KIAA1671: variants seen among roughly 807,000 people sequenced by gnomAD.
The protein encoded by KIAA1671 is KIAA1671, also known as uncharacterized protein KIAA1671.
Under a neutral mutation model 131.2 loss-of-function variants are expected in KIAA1671, and 52 were observed. The ratio of observed to expected loss-of-function variants is 0.40; its 90% CI spans 0.32 to 0.50. The LOEUF (loss-of-function observed/expected upper bound fraction) is 0.50. KIAA1671 is among the 20% of genes least tolerant of loss of function. KIAA1671 has a pLI of 0.73. For missense variants in KIAA1671, 2,360 were observed against 2,364.2 expected, an observed-to-expected ratio of 1.00 and a Z score of 0.04; for synonymous variants, 1,003 against 961.6, an observed-to-expected ratio of 1.04 and a Z score of -0.80.
At chr22:25,006,466 C>T (rs1023963082) in intron 1 of KIAA1671, among the ~76,000 whole-genome samples, 6 of 151,784 alleles carry the variant, frequency 4.0e-5, no homozygotes, top group Admixed American at 2.6e-4. Context: ...GGTGTCTGGT[C>T]GCCTGGGGGG....
intron 6 of KIAA1671, among the ~76,000 whole-genome samples, chr22:25,096,442 GAC>G (rs761797360): frequency 2.0e-5 from 3 of 152,158 alleles, no homozygotes; most frequent in Non-Finnish European, 2.9e-5. Context: ...AGTCACTCAA[GAC>G]ACACAAGATC....
At chr22:25,154,442 G>T (rs184381221) in intron 6 of KIAA1671, among the ~76,000 whole-genome samples, 85 of 152,368 alleles carry the variant, frequency 5.6e-4, no homozygotes, top group Admixed American at 2.1e-3. Flanking sequence ...ATTGTTAAGG[G>T]TTGGCCAAAG....
chr22:24,988,190 G>C lies in KIAA1671; in HGVS notation c.-208+35418G>C, dbSNP rs1014137807. 3.3e-5 allele frequency among the ~76,000 whole-genome samples: 5 copies of C among 150,012 alleles called. No homozygotes were observed. In the East Asian group the frequency reaches 1.0e-3, roughly 31 times the overall value. ...AGCTACTTGGGAGGCTGAGGCAGGAGAATCACTTGAATCTGGGAGTTGGAG... is the reference window on the plus strand; with the variant it reads ...AGCTACTTGGGAGGCTGAGGCAGGACAATCACTTGAATCTGGGAGTTGGAG... On this transcript the variant is annotated intron_variant, in intron 1 of 12. Coordinates refer to ENST00000358431, the MANE Select transcript of KIAA1671 (RefSeq NM_001145206.2).
Position 25,029,541 on chromosome 22 carries a change from G to A in KIAA1671, c.1541+1G>A, listed in dbSNP as rs1171910717. The A allele has an allele frequency of 2.6e-6, 4 of 1,530,318 alleles. No individual in the cohort carries two copies. The Admixed American group carries it at 8.0e-5, about 31-fold the overall frequency. The allele number at this position is 1,530,318 out of a possible 1,614,324, so 94.8% of individuals were successfully genotyped here. ...CGCTGTCGGCGGATTTGACCAAATT[G>A]TAAGTAGGCACATCCCACACCCCTC... On this transcript the variant is annotated splice_donor_variant, in intron 3 of 12. Coordinates refer to ENST00000358431, the MANE Select transcript of KIAA1671 (RefSeq NM_001145206.2). LOFTEE classifies it high-confidence loss of function.
chr22:25,188,191 C>G lies in KIAA1671; in HGVS notation c.5343-2511C>G, dbSNP rs530967995. Among the ~76,000 whole-genome samples, 138 of 152,252 alleles carry G rather than the reference C, an allele frequency of 9.1e-4. 1 individual carries two copies. The highest frequency in any genetic ancestry group is 3.3e-3 in the African/African-American group (136 of 41,558). ...TGGCGGGCGCCTGTAGTCCCAGCTA[C>G]TCGGGAGGCTGAGGCAGGAGAATGG... On this transcript the variant is annotated intron_variant, in intron 11 of 12. Transcript: ENST00000358431.
At chr22:24,995,044 AG>A (rs1277992312) in intron 1 of KIAA1671, among the ~76,000 whole-genome samples, 5 of 135,852 alleles carry the variant, frequency 3.7e-5, no homozygotes, top group African/African-American at 1.4e-4. Flanking sequence ...TTTGTATGTT[AG>A]GTTTTTTTTT....
chr22:25,164,879 T>C (rs7364206), intron 6 of KIAA1671, among the ~76,000 whole-genome samples: 12,485 of 145,084 alleles, frequency 0.086, 1,715 homozygotes, highest in African/African-American at 0.3. Context: ...ATCCAGGAGG[T>C]GGAGCTTGCA....
At chr22:25,161,065 T>TCCCTC (rs745627541) in intron 6 of KIAA1671, among the ~76,000 whole-genome samples, 2 of 151,656 alleles carry the variant, frequency 1.3e-5, no homozygotes, top group Non-Finnish European at 2.9e-5. Context: ...CCCCTTCCCT[T>TCCCTC]CCCTCCTCAC....
chr22:25,119,670 G>C (rs868487810), intron 6 of KIAA1671, among the ~76,000 whole-genome samples: 1 of 152,332 alleles, frequency 6.6e-6, no homozygotes, highest in Middle Eastern at 3.4e-3. Context: ...TGTATTTTAG[G>C]AACAGTGGTC....
intron 5 of KIAA1671, among the ~76,000 whole-genome samples, chr22:25,047,392 C>G (rs1927302833): frequency 6.6e-6 from 1 of 151,802 alleles, no homozygotes; most frequent in East Asian, 1.9e-4. Context: ...CTCAAGTGAT[C>G]AACCTGCCTT....
In KIAA1671 at chr22:25,179,368, CCTCGCGCAGCCG is replaced by C. The variant is rs567989446; in HGVS notation, c.5074+1856_5074+1867del. The C allele has an allele frequency of 1.1e-4, 181 of 1,604,052 alleles. No individual in the cohort carries two copies. In the East Asian group the frequency reaches 2.4e-3, roughly 21 times the overall value. The stretch of plus-strand genomic sequence containing the variant: ...CTGCGCACCTCGGCCGCGTGCAGCT[CCTCGCGCAGCCG>C]CTCGCGCAGTGCGGCCAGGTGCGCC... On this transcript the variant is annotated intron_variant, in intron 9 of 12. Coordinates refer to ENST00000358431, the MANE Select transcript of KIAA1671 (RefSeq NM_001145206.2).
intron 10 of KIAA1671, among the ~76,000 whole-genome samples, chr22:25,182,848 C>T (rs1294379804): frequency 6.6e-6 from 1 of 152,170 alleles, no homozygotes; most frequent in Non-Finnish European, 1.5e-5. Flanking sequence ...CTGTGGAAGG[C>T]AGGCACAGAA....
intron 6 of KIAA1671, among the ~76,000 whole-genome samples, chr22:25,125,372 T>C (rs1932129274): frequency 6.6e-6 from 1 of 152,220 alleles, no homozygotes; most frequent in South Asian, 2.1e-4. Flanking sequence ...GGGTCTGTTT[T>C]ACAAATGATA....
At chr22:24,963,693 C>T (rs917454614) in intron 1 of KIAA1671, among the ~76,000 whole-genome samples, 1 of 152,046 alleles carries the variant, frequency 6.6e-6, no homozygotes, top group Non-Finnish European at 1.5e-5. Context: ...GTAATCCCAG[C>T]ACTTTGGGAG....
chr22:25,069,678 G>T (rs997835858), intron 6 of KIAA1671, among the ~76,000 whole-genome samples: 37 of 152,246 alleles, frequency 2.4e-4, no homozygotes, highest in East Asian at 1.9e-3. Flanking sequence ...CCTCCTTCTG[G>T]GGGGATCAGA....
intron 6 of KIAA1671, among the ~76,000 whole-genome samples, chr22:25,129,554 T>C (rs1932340554): frequency 6.6e-6 from 1 of 151,908 alleles, no homozygotes; most frequent in South Asian, 2.1e-4. Flanking sequence ...GGCCTGGGTT[T>C]GAATCACAGC....
chr22:25,185,139 G>A lies in KIAA1671; in HGVS notation c.5342+20G>A. 1 of 1,531,594 alleles carries A rather than the reference G, an allele frequency of 6.5e-7. No homozygotes were observed. The highest frequency in any genetic ancestry group is 8.8e-7 in the Non-Finnish European group (1 of 1,136,660). The allele number at this position is 1,531,594 out of a possible 1,614,324, so 94.9% of individuals were successfully genotyped here. A position where few individuals can be genotyped will look rare whatever the true frequency, so the allele number is the denominator to read the frequency against. On this transcript the variant is annotated intron_variant, in intron 11 of 12. Transcript: ENST00000358431. ...TGAGAGGTGAGGGGTCTTGGGGAATGGGGGTCCCTCTCCTTCCAAACTCAG... is the reference window on the plus strand; with the variant it reads ...TGAGAGGTGAGGGGTCTTGGGGAATAGGGGTCCCTCTCCTTCCAAACTCAG...
At chr22:25,101,822 G>T (rs1365752923) in intron 6 of KIAA1671, among the ~76,000 whole-genome samples, 1 of 152,170 alleles carries the variant, frequency 6.6e-6, no homozygotes, top group Non-Finnish European at 1.5e-5. Context: ...GGGTGGACAG[G>T]ACACGTCCCT....
At chr22:25,184,549 C>T (rs1288131619) in intron 10 of KIAA1671, among the ~76,000 whole-genome samples, 1 of 152,140 alleles carries the variant, frequency 6.6e-6, no homozygotes, top group East Asian at 1.9e-4. Context: ...GGATATTTGC[C>T]CTCCGGTTTT....
Sources: allele counts gnomAD v4.1 joint callset (sites outside exome capture counted in the v4.1 genomes callset), GRCh38; gene constraint gnomAD v4.1.1; transcripts MANE v1.5; gene names NCBI Gene and HGNC (gene_info 2026-07-23, HGNC 2026-07-21).